Variants in INPP4B observed in about 807,000 individuals in gnomAD.
The protein encoded by INPP4B is inositol polyphosphate-4-phosphatase type II B, also known as inositol polyphosphate 4-phosphatase type II.
A neutral mutation model predicts 122.5 loss-of-function variants in INPP4B; 55 were observed. The ratio of observed to expected loss-of-function variants is 0.45; its 90% confidence interval spans 0.36 to 0.56. The LOEUF is 0.56. Ranked by LOEUF, INPP4B falls within the 20% of genes least tolerant of loss-of-function variation. The pLI, the probability that INPP4B is intolerant of heterozygous loss-of-function variation, is 0.00. For missense variants in INPP4B, 1,000 were observed against 1,097.7 expected, an observed-to-expected ratio of 0.91 and a Z score of 1.26; for synonymous variants, 403 against 388.7, an observed-to-expected ratio of 1.04 and a Z score of -0.43.
intron 3 of INPP4B, among the ~76,000 whole-genome samples, chr4:142,455,856 G>A (rs538798271): frequency 6.6e-6 from 1 of 152,034 alleles, no homozygotes; most frequent in Non-Finnish European, 1.5e-5. Flanking sequence ...TAACTGGGGT[G>A]AAATGATATA....
At chr4:142,838,508 T>G (rs1783098549) in intron 1 of INPP4B, among the ~76,000 whole-genome samples, 1 of 152,130 alleles carries the variant, frequency 6.6e-6, no homozygotes, top group South Asian at 2.1e-4. Flanking sequence ...ATGAATAAAT[T>G]GGGAGGCAGT....
intron 25 of INPP4B, among the ~76,000 whole-genome samples, chr4:142,072,481 A>T (rs964154637): frequency 3.1e-4 from 44 of 141,916 alleles, no homozygotes; most frequent in South Asian, 2.1e-4. Context: ...GGATAATAAT[A>T]AAAAAAAAAG....
At chr4:142,458,999 T>A (rs768007349) in intron 3 of INPP4B, among the ~76,000 whole-genome samples, 3 of 152,192 alleles carry the variant, frequency 2.0e-5, no homozygotes, top group African/African-American at 4.8e-5. Context: ...AATTAAGGAC[T>A]CATTCAAAAA....
chr4:142,152,160 G>A (rs373964728), intron 17 of INPP4B, among the ~76,000 whole-genome samples: 2 of 131,896 alleles, frequency 1.5e-5, no homozygotes, highest in African/African-American at 5.6e-5. Flanking sequence ...TGCAAGCTCC[G>A]CCTCCCGGGT....
chr4:142,257,481 TA>T (rs1397731822), intron 11 of INPP4B, among the ~76,000 whole-genome samples: 3 of 152,262 alleles, frequency 2.0e-5, no homozygotes, highest in Non-Finnish European at 4.4e-5. Flanking sequence ...AAAATCTCCT[TA>T]AGCTGATAAG....
intron 18 of INPP4B, among the ~76,000 whole-genome samples, chr4:142,133,733 C>G (rs1312822497): frequency 6.6e-6 from 1 of 152,170 alleles, no homozygotes; most frequent in Non-Finnish European, 1.5e-5. Flanking sequence ...CTTGTTGTTT[C>G]CTGAATATGG....
intron 8 of INPP4B, among the ~76,000 whole-genome samples, chr4:142,310,435 G>A (rs1429218506): frequency 6.6e-6 from 1 of 151,732 alleles, no homozygotes; most frequent in South Asian, 2.1e-4. Context: ...ACAGCTGCTT[G>A]AAAATTTAAA....
At chr4:142,116,006 G>A (rs1244739259) in intron 21 of INPP4B, among the ~76,000 whole-genome samples, 7 of 152,220 alleles carry the variant, frequency 4.6e-5, no homozygotes, top group Non-Finnish European at 1.0e-4. Flanking sequence ...GGCAGGGGTT[G>A]CAATCCTAGT....
intron 12 of INPP4B, among the ~76,000 whole-genome samples, chr4:142,235,880 C>T (rs1856503905): frequency 6.6e-6 from 1 of 152,172 alleles, no homozygotes; most frequent in African/African-American, 2.4e-5. Flanking sequence ...ATGGGATATT[C>T]ATCACCTCAA....
At chr4:142,771,350 G>A (rs988552854) in intron 1 of INPP4B, among the ~76,000 whole-genome samples, 4 of 152,064 alleles carry the variant, frequency 2.6e-5, no homozygotes, top group East Asian at 3.9e-4. Context: ...GTTTTAAAAC[G>A]GGAATGTTAT....
At chr4:142,695,800 T>C (rs1760940690) in intron 2 of INPP4B, among the ~76,000 whole-genome samples, 1 of 152,208 alleles carries the variant, frequency 6.6e-6, no homozygotes, top group Non-Finnish European at 1.5e-5. Context: ...TCAGGCATAA[T>C]GCTTGAAGGA....
chr4:142,050,097 C>T (rs1239604060), intron 25 of INPP4B, among the ~76,000 whole-genome samples: 2 of 151,916 alleles, frequency 1.3e-5, no homozygotes, highest in Non-Finnish European at 1.5e-5. Flanking sequence ...GTTAGGCTCC[C>T]GCATCACATG....
Position 142,198,282 on chromosome 4 carries a change from T to A in INPP4B, c.1073-5087A>T, listed in dbSNP as rs188713868. On this transcript the variant is annotated intron_variant, in intron 14 of 25. Transcript: ENST00000262992. ...AATATTTAAAATTAAGGACAGAAAA[T>A]TTCTGTATTAGAATTGATGTAATTC... is the stretch of plus-strand genomic sequence containing the variant. Among the ~76,000 whole-genome samples, 862 of 152,132 alleles carry A rather than the reference T, an allele frequency of 5.7e-3. 5 individuals are homozygous for A. The highest frequency in any genetic ancestry group is 0.014 in the Middle Eastern group (4 of 294).
chr4:142,593,900 T>C (rs1738098748), intron 2 of INPP4B, among the ~76,000 whole-genome samples: 1 of 151,856 alleles, frequency 6.6e-6, no homozygotes, highest in Non-Finnish European at 1.5e-5. Context: ...ACGCACAGGA[T>C]CACACTTTAA....
chr4:142,756,886 T>G (rs538517300), intron 1 of INPP4B, among the ~76,000 whole-genome samples: 1 of 152,224 alleles, frequency 6.6e-6, no homozygotes, highest in Non-Finnish European at 1.5e-5. Flanking sequence ...AAGTCATAGA[T>G]TTACGTCCCA....
chr4:142,279,171 T>C (rs190769241), intron 9 of INPP4B, among the ~76,000 whole-genome samples: 116 of 152,114 alleles, frequency 7.6e-4, no homozygotes, highest in African/African-American at 2.6e-3. Context: ...AATAGACATA[T>C]AGACATATAC....
chr4:142,061,375 AG>A (rs1471884775), intron 25 of INPP4B, among the ~76,000 whole-genome samples: 15 of 152,202 alleles, frequency 9.9e-5, no homozygotes, highest in African/African-American at 3.6e-4. Flanking sequence ...AAATACCATT[AG>A]CAAAAAAAGT....
intron 2 of INPP4B, among the ~76,000 whole-genome samples, chr4:142,723,033 A>AAAT (rs5862608): frequency 0.74 from 111,770 of 151,608 alleles, 41,334 homozygotes; most frequent in East Asian, 0.84. Context: ...TTCCTACATC[A>AAAT]AATAAACCAA....
chr4:142,261,495 C>G (rs1030780006), intron 10 of INPP4B, among the ~76,000 whole-genome samples: 7 of 152,072 alleles, frequency 4.6e-5, no homozygotes, highest in African/African-American at 1.7e-4. Context: ...CAAACATACA[C>G]ACAAAAATTG....
Sources: allele counts gnomAD v4.1 joint callset (sites outside exome capture counted in the v4.1 genomes callset), GRCh38; gene constraint gnomAD v4.1.1; transcripts MANE v1.5; gene names NCBI Gene and HGNC (gene_info 2026-07-23, HGNC 2026-07-21).